MYO3B: variants seen among roughly 807,000 people sequenced by gnomAD.
MYO3B encodes the protein myosin-IIIb.
MYO3B carries 156 observed loss-of-function variants against 174.6 expected under a neutral mutation model. That is an observed-to-expected ratio of 0.89 (90% CI 0.78 to 1.02). The LOEUF is 1.02. Ranked by LOEUF, MYO3B falls within the 50% of genes least tolerant of loss-of-function variation. The pLI is 0.00. For missense variants in MYO3B, 1,632 were observed against 1,639.4 expected, an observed-to-expected ratio of 1.00 and a Z score of 0.08; for synonymous variants, 563 against 569.1, an observed-to-expected ratio of 0.99 and a Z score of 0.15.
intron 30 of MYO3B, among the ~76,000 whole-genome samples, chr2:170,523,184 T>C (rs34311304): frequency 0.013 from 1,985 of 152,342 alleles, 41 homozygotes; most frequent in African/African-American, 0.045. Flanking sequence ...TCTTACTCTT[T>C]CTTGTATCCG....
chr2:170,494,688 G>A (rs1481022826), intron 25 of MYO3B, among the ~76,000 whole-genome samples: 4 of 126,404 alleles, frequency 3.2e-5, no homozygotes, highest in South Asian at 2.4e-4. Flanking sequence ...AGATCACACC[G>A]CTGTACTCCA....
chr2:170,623,426 T>C (rs1696109328), intron 32 of MYO3B, among the ~76,000 whole-genome samples: 1 of 152,208 alleles, frequency 6.6e-6, no homozygotes, highest in Non-Finnish European at 1.5e-5. Flanking sequence ...GGTTGTTTGA[T>C]TTTTTCTTGT....
chr2:170,265,947 C>T (rs2093380086), intron 7 of MYO3B, among the ~76,000 whole-genome samples: 1 of 152,022 alleles, frequency 6.6e-6, no homozygotes, highest in African/African-American at 2.4e-5. Flanking sequence ...GGCTGGTAAA[C>T]AAAATGCATA....
At chr2:170,271,663 C>T (rs796310497) in intron 7 of MYO3B, among the ~76,000 whole-genome samples, 6 of 152,304 alleles carry the variant, frequency 3.9e-5, no homozygotes, top group African/African-American at 1.4e-4. Context: ...TGAAGCTCCT[C>T]AAACTGTGCT....
At chr2:170,401,783 T>G in intron 18 of MYO3B, 92 bp downstream of exon 18, 1 of 1,100,186 alleles carries the variant, frequency 9.1e-7, no homozygotes, top group Non-Finnish European at 1.3e-6. Context: ...TGGTCCTCTC[T>G]GGGATTTTCT....
intron 7 of MYO3B, among the ~76,000 whole-genome samples, chr2:170,249,934 G>A (rs1023007168): frequency 1.3e-5 from 2 of 152,130 alleles, no homozygotes; most frequent in African/African-American, 4.8e-5. Flanking sequence ...GTGAGCAACA[G>A]AAAAAAATGG....
At chr2:170,244,492 G>A (rs2093168807) in intron 7 of MYO3B, among the ~76,000 whole-genome samples, 1 of 152,160 alleles carries the variant, frequency 6.6e-6, no homozygotes, top group South Asian at 2.1e-4. Flanking sequence ...TCCAGGTGCT[G>A]AGGGAATATA....
chr2:170,392,569 C>T, intron 16 of MYO3B, 74 bp downstream of exon 16: 1 of 1,003,624 alleles, frequency 1.0e-6, no homozygotes, highest in Non-Finnish European at 1.4e-6. Flanking sequence ...TGGTATTTCT[C>T]ACTTGGGATA....
chr2:170,599,616 C>T (rs1694374578), intron 32 of MYO3B, among the ~76,000 whole-genome samples: 1 of 152,080 alleles, frequency 6.6e-6, no homozygotes, highest in South Asian at 2.1e-4. Flanking sequence ...GGCATGGTGG[C>T]GGGCGCCTGT....
intron 1 of MYO3B, among the ~76,000 whole-genome samples, chr2:170,195,155 G>A (rs369664784): frequency 6.6e-6 from 1 of 151,918 alleles, no homozygotes; most frequent in Non-Finnish European, 1.5e-5. Context: ...AGGAGACAGG[G>A]AAACACTAGG....
chr2:170,479,859 GTA>G (rs1366925925), intron 25 of MYO3B, among the ~76,000 whole-genome samples: 1 of 148,094 alleles, frequency 6.8e-6, no homozygotes, highest in East Asian at 2.0e-4. Context: ...ATATATAGGT[GTA>G]TATGTGTGTA....
chr2:170,416,096 C>T (rs1484678027), intron 22 of MYO3B, among the ~76,000 whole-genome samples: 2 of 152,142 alleles, frequency 1.3e-5, no homozygotes, highest in African/African-American at 2.4e-5. Flanking sequence ...AACACAGAGA[C>T]ACGCACCAGG....
At chr2:170,227,379 G>A (rs533979761) in intron 6 of MYO3B, among the ~76,000 whole-genome samples, 1 of 152,284 alleles carries the variant, frequency 6.6e-6, no homozygotes, top group Admixed American at 6.5e-5. Flanking sequence ...CCACCTCCAG[G>A]TCTCAAGCGA....
chr2:170,248,782 G>A (rs1241615612), intron 7 of MYO3B, among the ~76,000 whole-genome samples: 1 of 152,050 alleles, frequency 6.6e-6, no homozygotes, highest in Non-Finnish European at 1.5e-5. Context: ...TTCCTATTTT[G>A]TCAGCTGATT....
chr2:170,642,577 A>G (rs1376965856), intron 32 of MYO3B, among the ~76,000 whole-genome samples: 2 of 152,188 alleles, frequency 1.3e-5, no homozygotes, highest in African/African-American at 4.8e-5. Context: ...AGACTTGGTG[A>G]AGTGAAAACT....
intron 7 of MYO3B, among the ~76,000 whole-genome samples, chr2:170,314,777 G>C (rs1298589019): frequency 6.6e-6 from 1 of 152,194 alleles, no homozygotes; most frequent in South Asian, 2.1e-4. Context: ...TTCTAGAATG[G>C]GAAGTGTTGG....
intron 8 of MYO3B, among the ~76,000 whole-genome samples, chr2:170,345,719 A>G (rs1244587562): frequency 6.6e-6 from 1 of 151,306 alleles, no homozygotes; most frequent in Non-Finnish European, 1.5e-5. Flanking sequence ...CATCCTCAAT[A>G]TCTCAAATGG....
chr2:170,600,737 C>T (rs1559149439), intron 32 of MYO3B, among the ~76,000 whole-genome samples: 1 of 152,120 alleles, frequency 6.6e-6, no homozygotes, highest in Admixed American at 6.5e-5. Flanking sequence ...ATTCTCAGGT[C>T]TTCTTTAATG....
In MYO3B at chr2:170,383,082, A is replaced by G. The variant is rs1351382182; in HGVS notation, c.1078A>G (p.Ile360Val). The change falls in exon 11 of 35, where the codon ATC becomes GTC. Residue 360 changes from isoleucine to valine, a missense_variant. By Grantham distance (29) the Ile-to-Val change is conservative (BLOSUM62 3). Transcript: ENST00000408978. The part of the protein sequence containing the change: ...NLEVLDEDTI[I>V]HQLQKRYADL... Reference sequence around the variant, plus strand: ...TTTATCCTCTTCTTAGGATACAATTATCCATCAGTTGCAGAAACGTTATGC... The same window carrying G: ...TTTATCCTCTTCTTAGGATACAATTGTCCATCAGTTGCAGAAACGTTATGC... 1.2e-6 allele frequency: 2 copies of G among 1,604,696 alleles called. No homozygotes were observed. The highest frequency in any genetic ancestry group is 3.3e-5 in the Admixed American group (2 of 59,964).
Sources: allele counts gnomAD v4.1 joint callset (sites outside exome capture counted in the v4.1 genomes callset), GRCh38; gene constraint gnomAD v4.1.1; transcripts MANE v1.5; gene names NCBI Gene and HGNC (gene_info 2026-07-23, HGNC 2026-07-21).